VPS50: variants seen among roughly 807,000 people sequenced by gnomAD.
VPS50 encodes VPS50 subunit of EARP/GARPII complex.
VPS50 carries 70 observed loss-of-function variants against 139.7 expected under a neutral mutation model. The observed-to-expected ratio is 0.50, with a 90% confidence interval of 0.41 to 0.61. VPS50 has a LOEUF of 0.61. Among genes scored for constraint, VPS50 ranks in the 20% least tolerant of loss-of-function variants. The pLI is 0.00. For synonymous variants in VPS50, 365 were observed against 376.7 expected, an observed-to-expected ratio of 0.97 and a Z score of 0.36; for missense variants, 921 against 1,133.7, an observed-to-expected ratio of 0.81 and a Z score of 2.69.
intron 16 of VPS50, among the ~76,000 whole-genome samples, chr7:93,300,504 A>G (rs1796945377): frequency 6.6e-6 from 1 of 152,168 alleles, no homozygotes; most frequent in Non-Finnish European, 1.5e-5. Flanking sequence ...ATATGCTATG[A>G]ACAGGTAGGA....
chr7:93,284,064 A>G (rs1215461876), intron 12 of VPS50, among the ~76,000 whole-genome samples: 1 of 152,162 alleles, frequency 6.6e-6, no homozygotes, highest in Non-Finnish European at 1.5e-5. Context: ...AACATTATCA[A>G]TGTAATTTAG....
At chr7:93,241,491 G>A (rs968842494) in intron 2 of VPS50, among the ~76,000 whole-genome samples, 2 of 152,096 alleles carry the variant, frequency 1.3e-5, no homozygotes, top group African/African-American at 4.8e-5. Flanking sequence ...AGTAAAAAAT[G>A]TATTGATGCT....
At chr7:93,357,823 T>C (rs1364004329) in intron 27 of VPS50, among the ~76,000 whole-genome samples, 1 of 152,162 alleles carries the variant, frequency 6.6e-6, no homozygotes, top group African/African-American at 2.4e-5. Context: ...GCTCCCTGAC[T>C]TTGTGATCCT....
At chr7:93,298,394 A>G (rs1796874326) in intron 16 of VPS50, among the ~76,000 whole-genome samples, 1 of 152,182 alleles carries the variant, frequency 6.6e-6, no homozygotes, top group South Asian at 2.1e-4. Flanking sequence ...ATTCCTGTAT[A>G]GAAGTGGGAG....
Position 93,297,241 on chromosome 7 carries a change from T to C in VPS50, c.1359T>C (p.His453=). Residue 453 remains histidine (H), a splice_region_variant and synonymous_variant, in exon 16 of 28, where the codon CAT becomes CAC. Coordinates refer to ENST00000305866, the MANE Select transcript of VPS50 (RefSeq NM_017667.4). The part of the protein sequence containing the change: ...KQSVNYFKNY[H]RTRLDELRMF... ...GTGTCAATTATTTCAAGAATTACCA[T>C]AGGTAAGAACTCTAATAAGATATGA... 1 of 1,547,690 alleles carries C rather than the reference T, an allele frequency of 6.5e-7. No homozygotes were observed. The highest frequency in any genetic ancestry group is 8.6e-7 in the Non-Finnish European group (1 of 1,159,416).
At chr7:93,281,803 A>G (rs1217601312) in intron 12 of VPS50, among the ~76,000 whole-genome samples, 2 of 152,220 alleles carry the variant, frequency 1.3e-5, no homozygotes, top group African/African-American at 4.8e-5. Context: ...TAAAAATTGC[A>G]TATGTCTGCA....
intron 3 of VPS50, among the ~76,000 whole-genome samples, chr7:93,253,241 A>G (rs994321972): frequency 2.6e-5 from 4 of 152,210 alleles, no homozygotes; most frequent in Non-Finnish European, 5.9e-5. Flanking sequence ...CTGTATGCAT[A>G]TATACTTTAT....
chr7:93,324,010 G>A (rs977888782), intron 21 of VPS50, among the ~76,000 whole-genome samples: 1 of 152,104 alleles, frequency 6.6e-6, no homozygotes, highest in Non-Finnish European at 1.5e-5. Context: ...AAATGTGCAG[G>A]TTGCTTTTTT....
intron 23 of VPS50, among the ~76,000 whole-genome samples, chr7:93,343,652 A>G (rs1798296019): frequency 6.6e-6 from 1 of 152,270 alleles, no homozygotes; most frequent in Non-Finnish European, 1.5e-5. Flanking sequence ...AAACTCTACA[A>G]GCCAGAAGAG....
chr7:93,276,417 C>A (rs1796156380), intron 12 of VPS50, 112 bp downstream of exon 12: 1 of 1,342,646 alleles, frequency 7.4e-7, no homozygotes, highest in Non-Finnish European at 9.7e-7. Context: ...AAAAATAAAT[C>A]TTTGCCAAAA....
At chr7:93,259,149 G>A (rs963085946) in intron 8 of VPS50, among the ~76,000 whole-genome samples, 5 of 151,400 alleles carry the variant, frequency 3.3e-5, no homozygotes, top group Non-Finnish European at 7.4e-5. Context: ...TTTCTTGGTG[G>A]TAAATTGTTG....
intron 18 of VPS50, 145 bp downstream of exon 18, chr7:93,306,149 A>G (rs1205578410): frequency 1.2e-5 from 7 of 607,238 alleles, no homozygotes; most frequent in Non-Finnish European, 2.0e-5. Flanking sequence ...TATTACATTT[A>G]TAGATGATGA....
At chr7:93,340,443 G>A (rs1259859358) in intron 22 of VPS50, among the ~76,000 whole-genome samples, 1 of 152,156 alleles carries the variant, frequency 6.6e-6, no homozygotes, top group African/African-American at 2.4e-5. Context: ...GGCAAAAAAA[G>A]GTGGCCAGTG....
chr7:93,297,004 T>C lies in VPS50; in HGVS notation c.1263-141T>C, dbSNP rs1229235580. The C allele has an allele frequency of 3.5e-6, 5 of 1,448,992 alleles. No homozygotes were observed. In the East Asian group the frequency reaches 8.2e-5, roughly 24 times the overall value. 89.8% of individuals were successfully genotyped at this position (1,448,992 alleles called of 1,614,324 possible). On this transcript the variant is annotated intron_variant, in intron 15 of 27. Transcript: ENST00000305866. ...TCTGCCCTTTGGGTGTTTGTAAACC[T>C]TTATGGATTTGTGATCTTTAGAATT...
At chr7:93,257,664 A>T (rs528152508) in intron 6 of VPS50, 200 bp downstream of exon 6, 269 of 398,720 alleles carry the variant, frequency 6.7e-4, no homozygotes, top group Non-Finnish European at 9.9e-4. Flanking sequence ...TATGGGTTTT[A>T]AAAAATTACT....
At chr7:93,287,858 T>C (rs1292328581) in intron 12 of VPS50, among the ~76,000 whole-genome samples, 1 of 152,254 alleles carries the variant, frequency 6.6e-6, no homozygotes, top group Non-Finnish European at 1.5e-5. Context: ...TTTCGTCATA[T>C]GTGTATGGTG....
intron 19 of VPS50, 37 bp from the exon 20 acceptor site, chr7:93,311,129 C>G: frequency 1.2e-6 from 1 of 867,786 alleles, no homozygotes. Context: ...TATTACTTGA[C>G]AACTCTAGCA....
chr7:93,319,052 G>A (rs1459623933), intron 20 of VPS50, among the ~76,000 whole-genome samples: 3 of 152,148 alleles, frequency 2.0e-5, no homozygotes, highest in African/African-American at 7.2e-5. Flanking sequence ...TGGGTCAGAG[G>A]CCAAGAACAT....
intron 14 of VPS50, 73 bp from the exon 15 acceptor site, chr7:93,296,669 T>C: frequency 6.5e-7 from 1 of 1,544,580 alleles, no homozygotes; most frequent in South Asian, 1.2e-5. Flanking sequence ...TCTGGAACTA[T>C]AGAGTAAATG....
Sources: gnomAD v4.1 joint callset for allele counts (sites outside exome capture counted in the v4.1 genomes callset) on GRCh38, gnomAD v4.1.1 for gene constraint, MANE v1.5 for transcripts, NCBI Gene and HGNC (gene_info 2026-07-23, HGNC 2026-07-21) for gene names.